UGT8: variants seen among roughly 807,000 people sequenced by gnomAD.
UGT8 encodes UDP glycosyltransferase 8.
A neutral mutation model predicts 40.5 loss-of-function variants in UGT8; 12 were observed. The observed-to-expected ratio is 0.30, with a 90% CI of 0.19 to 0.48. The LOEUF is 0.48. Among genes scored for constraint, UGT8 ranks in the 20% least tolerant of loss-of-function variants. The pLI is 0.99. For synonymous variants in UGT8, 224 were observed against 240.4 expected (o/e 0.93, Z 0.63); for missense variants, 513 against 648.7 (o/e 0.79, Z 2.27).
intron 1 of UGT8, 61 bp from the exon 2 acceptor site, chr4:114,622,818 G>T (rs746267400): frequency 1.4e-6 from 2 of 1,419,598 alleles, no homozygotes; most frequent in Non-Finnish European, 1.9e-6. Flanking sequence ...CTTTGTGATT[G>T]CTTGTTTTGA....
chr4:114,602,083 G>A (rs991256644), intron 1 of UGT8, among the ~76,000 whole-genome samples: 1 of 152,012 alleles, frequency 6.6e-6, no homozygotes, highest in Non-Finnish European at 1.5e-5. Context: ...AGGTTTTAAT[G>A]TACCTTTTAT....
intron 2 of UGT8, among the ~76,000 whole-genome samples, chr4:114,640,033 G>GC (rs1733111963): frequency 7.2e-6 from 1 of 139,246 alleles, no homozygotes. Flanking sequence ...ATGTTTGTTT[G>GC]TTTTTTTTTT....
At chr4:114,648,704 TG>T (rs1246315695) in intron 2 of UGT8, among the ~76,000 whole-genome samples, 2 of 152,290 alleles carry the variant, frequency 1.3e-5, no homozygotes, top group African/African-American at 4.8e-5. Context: ...GTTGCGAAAT[TG>T]GTTAAGATTT....
intron 1 of UGT8, among the ~76,000 whole-genome samples, chr4:114,618,649 C>T (rs1386679897): frequency 6.6e-6 from 1 of 152,090 alleles, no homozygotes; most frequent in African/African-American, 2.4e-5. Context: ...AATGATTGTG[C>T]ATTTAAATCT....
chr4:114,616,073 C>T (rs2126092541), intron 1 of UGT8, among the ~76,000 whole-genome samples: 1 of 152,246 alleles, frequency 6.6e-6, no homozygotes. Flanking sequence ...AGGCAGTCTG[C>T]CCGTTCTCAG....
At chr4:114,613,125 G>A (rs950129462) in intron 1 of UGT8, among the ~76,000 whole-genome samples, 1 of 151,988 alleles carries the variant, frequency 6.6e-6, no homozygotes, top group African/African-American at 2.4e-5. Flanking sequence ...TACTGATTTG[G>A]GGATCCATAG....
At chr4:114,622,075 G>C (rs1731835080) in intron 1 of UGT8, among the ~76,000 whole-genome samples, 1 of 151,252 alleles carries the variant, frequency 6.6e-6, no homozygotes, top group African/African-American at 2.4e-5. Flanking sequence ...TCTAGCATTA[G>C]GTATATATCC....
Position 114,668,054 on chromosome 4 carries a change from G to A in UGT8, c.1043-31G>A, listed in dbSNP as rs375795913. ...ATCTCTTCTGTAGAGTAATAATGTT[G>A]TAAGTTGTTTTCTTTTTCATCTTTC... On this transcript the variant is annotated intron_variant, in intron 4 of 5. Transcript: ENST00000310836. 145 of 1,605,066 alleles carry A rather than the reference G, an allele frequency of 9.0e-5. 1 individual carries two copies. In the African/African-American group the frequency reaches 1.8e-3, roughly 20 times the overall value.
chr4:114,632,223 G>A (rs1021067363), intron 2 of UGT8, among the ~76,000 whole-genome samples: 11 of 152,182 alleles, frequency 7.2e-5, no homozygotes, highest in Non-Finnish European at 1.2e-4. Context: ...GGTTAACAGA[G>A]CATCCATTCT....
chr4:114,664,224 T>C (rs1734722161), intron 3 of UGT8, 87 bp downstream of exon 3: 1 of 1,439,630 alleles, frequency 6.9e-7, no homozygotes, highest in Non-Finnish European at 9.5e-7. Flanking sequence ...GCACAGCACA[T>C]TGTTTCCCTG....
At chr4:114,662,453 G>C (rs1734600304) in intron 2 of UGT8, among the ~76,000 whole-genome samples, 1 of 152,124 alleles carries the variant, frequency 6.6e-6, no homozygotes, top group African/African-American at 2.4e-5. Context: ...GCATCATAAA[G>C]TTGAAAAATC....
intron 2 of UGT8, among the ~76,000 whole-genome samples, chr4:114,633,168 T>C (rs1732684115): frequency 6.6e-6 from 1 of 152,250 alleles, no homozygotes; most frequent in Non-Finnish European, 1.5e-5. Context: ...GCAGATTTAT[T>C]GGGTACCTAA....
chr4:114,668,162 G>A lies in UGT8; in HGVS notation c.1120G>A (p.Val374Ile). 6.2e-7 allele frequency: 1 copy of A among 1,613,848 alleles called. No individual in the cohort carries two copies. The highest frequency in any genetic ancestry group is 8.5e-7 in the Non-Finnish European group (1 of 1,179,812). Residue 374 changes from valine (V) to isoleucine (I), a missense_variant, in exon 5 of 6, where the codon GTA (valine) becomes ATA (isoleucine). Physicochemically the swap from Val to Ile is conservative, Grantham distance 29 (BLOSUM62 3). Coordinates refer to ENST00000310836, the MANE Select transcript of UGT8 (RefSeq NM_001128174.3). ...TGAAACTATATATCATGGTGTGCCT[G>A]TAGTGGGAATTCCACTCTTTGGAGA... ...IFETIYHGVP[V>I]VGIPLFGDHY...
chr4:114,676,011 A>C lies in UGT8; in HGVS notation c.1349A>C (p.Tyr450Ser). The change falls in exon 6 of 6, where the codon TAT becomes TCT. Residue 450 changes from tyrosine (Y) to serine (S), a missense_variant. By Grantham distance (144) the Tyr-to-Ser change is moderately radical. Transcript: ENST00000310836. ...AATCGAACTATCTATTGGATAGATT[A>C]TATTATTCGTCACAATGGAGCCCAT... is the stretch of plus-strand genomic sequence containing the variant. The part of the protein sequence containing the change: ...PVNRTIYWID[Y>S]IIRHNGAHHL... 2 of 1,614,196 alleles carry C rather than the reference A, an allele frequency of 1.2e-6. No homozygotes were observed. The highest frequency in any genetic ancestry group is 2.2e-5 in the South Asian group (2 of 91,088).
chr4:114,621,906 A>G (rs1293336275), intron 1 of UGT8, among the ~76,000 whole-genome samples: 1 of 152,174 alleles, frequency 6.6e-6, no homozygotes, highest in Non-Finnish European at 1.5e-5. Context: ...GATAATTTTT[A>G]ATAGTGATTT....
rs1412877795 is a variant in UGT8 at position 114,677,752 on chromosome 4, T to G, written c.*1464T>G. The G allele has an allele frequency of 6.6e-6, 1 of 152,242 alleles. No individual in the cohort carries two copies. The highest frequency in any genetic ancestry group is 1.9e-4 in the East Asian group (1 of 5,204). The allele number at this position is 152,242 out of a possible 1,614,324, so 9.4% of individuals were successfully genotyped here. On this transcript the variant is annotated 3_prime_UTR_variant, in exon 6 of 6. Transcript: ENST00000310836. The stretch of plus-strand genomic sequence containing the variant: ...TGTTTCTAGTTTGAAATCCCACATC[T>G]GATAGCTGAGAGTAGGCAAATACAA...
chr4:114,603,770 T>TA (rs1363211468), intron 1 of UGT8, among the ~76,000 whole-genome samples: 1 of 152,108 alleles, frequency 6.6e-6, no homozygotes, highest in African/African-American at 2.4e-5. Context: ...TCAGATGAGA[T>TA]AAAATCTATC....
At chr4:114,629,468 A>G (rs1343985602) in intron 2 of UGT8, among the ~76,000 whole-genome samples, 4 of 152,240 alleles carry the variant, frequency 2.6e-5, no homozygotes, top group African/African-American at 9.6e-5. Context: ...CTGTTAAATG[A>G]TAGTTTGGCA....
rs867309593 is a variant in UGT8 at position 114,623,829 on chromosome 4, A to G, written c.822+127A>G. On this transcript the variant is annotated intron_variant, in intron 2 of 5. Coordinates refer to ENST00000310836, the MANE Select transcript of UGT8 (RefSeq NM_001128174.3). ...CAGTACACTAAAAGGTGATTAGGAC[A>G]TGGGGCCTCCAAAGTCCCTTTATGT... 6.7e-5 allele frequency: 86 copies of G among 1,286,492 alleles called. No individual in the cohort carries two copies. The Middle Eastern group carries it at 1.5e-3, about 23-fold the overall frequency. 79.7% of individuals were successfully genotyped at this position (1,286,492 alleles called of 1,614,324 possible).
Sources: gnomAD v4.1 joint callset for allele counts (sites outside exome capture counted in the v4.1 genomes callset) on GRCh38, gnomAD v4.1.1 for gene constraint, MANE v1.5 for transcripts, NCBI Gene and HGNC (gene_info 2026-07-23, HGNC 2026-07-21) for gene names.